The following FGFR3 variants were observed in gnomAD, a reference collection of about 807,000 sequenced individuals.
FGFR3 encodes the protein fibroblast growth factor receptor 3.
Under a neutral mutation model 82.9 loss-of-function variants are expected in FGFR3, and 25 were observed. The ratio of observed to expected loss-of-function variants is 0.30; its 90% confidence interval spans 0.22 to 0.42. FGFR3 has a LOEUF of 0.42. FGFR3 is among the 10% of genes least tolerant of loss of function. The pLI, the probability that FGFR3 is intolerant of heterozygous loss-of-function variation, is 1.00. For synonymous variants in FGFR3, 620 were observed against 516.0 expected (o/e 1.20, Z -2.73); for missense variants, 1,026 against 1,161.0 (o/e 0.88, Z 1.69).
intron 1 of FGFR3, 40 bp downstream of exon 1, chr4:1,793,505 A>G (rs982623890): frequency 2.0e-5 from 3 of 148,564 alleles, no homozygotes; most frequent in Non-Finnish European, 4.5e-5. Flanking sequence ...GAGGGGTCCA[A>G]CGGTGCTCGC....
At chr4:1,804,779 CCT>C in intron 9 of FGFR3, 43 bp from the exon 10 acceptor site, 1 of 1,548,256 alleles carries the variant, frequency 6.5e-7, no homozygotes, top group Non-Finnish European at 8.7e-7. Flanking sequence ...ACCTCCACGC[CCT>C]GTCGCCCACG....
rs1454943713 is a variant in FGFR3, at chr4:1,805,273, T to G, written c.1413-82T>G. ...GGTGGTGGCTCTGGGCCTCAAGGGC[T>G]GGGCCAGGCTGGGGTGGGGACCGTG... On this transcript the variant is annotated intron_variant, in intron 10 of 17. Transcript: ENST00000440486. 5.7e-6 allele frequency: 9 copies of G among 1,591,962 alleles called. No homozygotes were observed. In the African/African-American group the frequency reaches 6.7e-5, roughly 12 times the overall value.
At position 1,804,004 on chromosome 4, in the gene FGFR3, C is replaced by T. The variant is rs115088677; in HGVS notation, c.1075+168C>T. Among the ~76,000 whole-genome samples the T allele has an allele frequency of 4.6e-3, 705 of 152,330 alleles. 8 individuals are homozygous for T. The highest frequency in any genetic ancestry group is 0.016 in the African/African-American group (648 of 41,568). ...GTGTGGGGACAAAGTTGGCCTGGCC[C>T]GGTCCTGGTCCCAGAGGGGCCCCCT... is the stretch of plus-strand genomic sequence containing the variant. On this transcript the variant is annotated intron_variant, in intron 8 of 17. Transcript: ENST00000440486.
intron 7 of FGFR3, among the ~76,000 whole-genome samples, 184 bp downstream of exon 7, chr4:1,802,209 C>T (rs1049098052): frequency 1.3e-4 from 20 of 152,288 alleles, no homozygotes; most frequent in Non-Finnish European, 2.4e-4. Context: ...TAGGCAGCTG[C>T]GTTGGGACCC....
rs1375085595 is a variant in FGFR3 at position 1,807,014 on chromosome 4, C to T, written c.2274+80C>T. ...CCCGGCCATCCTGCCCCCCAGAGTG[C>T]TGAGGTGTGGGGCGGGCCTTCTGGG... is the stretch of plus-strand genomic sequence containing the variant. On this transcript the variant is annotated intron_variant, in intron 17 of 17. Transcript: ENST00000440486. The T allele has an allele frequency of 1.4e-5, 21 of 1,551,912 alleles. No individual in the cohort carries two copies. In the South Asian group the frequency reaches 2.0e-4, roughly 15 times the overall value.
At position 1,806,681 on chromosome 4, in the gene FGFR3, C is replaced by T. The variant is rs1226717364; in HGVS notation, c.2166C>T (p.Asp722=). 13 of 1,612,430 alleles carry T rather than the reference C, an allele frequency of 8.1e-6. No individual in the cohort carries two copies. Among genetic ancestry groups the T allele is most frequent in the South Asian group, 1.1e-5 (1 of 91,056 alleles). The stretch of plus-strand genomic sequence containing the variant: ...ACAAGCCCGCCAACTGCACACACGA[C>T]CTGTGAGTGGCATCCCTGGCCCTCC... ...RMDKPANCTH[D]LYMIMRECWH... is the part of the protein sequence containing the mutation. Residue 722 remains aspartate (D), a splice_region_variant and synonymous_variant, in exon 16 of 18, where the codon GAC becomes GAT. Coordinates refer to ENST00000440486, the MANE Select transcript of FGFR3 (RefSeq NM_000142.5).
rs1720977512 is a variant in FGFR3 at position 1,799,803 on chromosome 4, GTGGACACAGGTA to G, written c.437_445+3del. The stretch of plus-strand genomic sequence containing the variant: ...GGAGGACGAGGCTGAGGACACAGGT[GTGGACACAGGTA>G]GGAGCAGGGTCCAGGGTTCAGGCCA... On this transcript the variant is annotated splice_donor_variant and splice_donor_region_variant and coding_sequence_variant and intron_variant, in exon 4 of 18. Coordinates refer to ENST00000440486, the MANE Select transcript of FGFR3 (RefSeq NM_000142.5). LOFTEE classifies it high-confidence loss of function. 2.5e-6 allele frequency: 4 copies of G among 1,612,756 alleles called. No individual in the cohort carries two copies. In the African/African-American group the frequency reaches 5.3e-5, roughly 22 times the overall value.
In FGFR3 at chr4:1,805,341, G is replaced by T. The variant is rs1721751277; in HGVS notation, c.1413-14G>T. The T allele has an allele frequency of 6.2e-7, 1 of 1,610,632 alleles. No homozygotes were observed. On this transcript the variant is annotated splice_polypyrimidine_tract_variant and intron_variant, in intron 10 of 17. Coordinates refer to ENST00000440486, the MANE Select transcript of FGFR3 (RefSeq NM_000142.5). ...GAGTTTGCACACTCATGGTCCCTCTGCCTCCACTGCCAGGCTGACCCTGGG... is the reference window on the plus strand; with the variant it reads ...GAGTTTGCACACTCATGGTCCCTCTTCCTCCACTGCCAGGCTGACCCTGGG...
At chr4:1,802,563 C>G (rs1054842765) in intron 7 of FGFR3, among the ~76,000 whole-genome samples, 3 of 152,224 alleles carry the variant, frequency 2.0e-5, no homozygotes, top group African/African-American at 4.8e-5. Flanking sequence ...AGAGAGAAGA[C>G]GGTCTCTTGG....
rs1324665775 is a variant in FGFR3, at chr4:1,793,929, C to T, written c.-6C>T. ...GCCTGAGGACGCCGCGGCCCCCGCC[C>T]CCGCCATGGGCGCCCCTGCCTGCGC... On this transcript the variant is annotated 5_prime_UTR_variant, in exon 2 of 18. Transcript: ENST00000440486. 1 of 1,282,212 alleles carries T rather than the reference C, an allele frequency of 7.8e-7. No homozygotes were observed. The highest frequency in any genetic ancestry group is 1.0e-6 in the Non-Finnish European group (1 of 1,000,632). 79.4% of individuals were successfully genotyped at this position (1,282,212 alleles called of 1,614,324 possible).
At chr4:1,794,806 A>T (rs914076681) in intron 2 of FGFR3, among the ~76,000 whole-genome samples, 11 of 150,576 alleles carry the variant, frequency 7.3e-5, no homozygotes, top group Non-Finnish European at 1.6e-4. Flanking sequence ...CGCCGCGTAC[A>T]CCCGCAGCCG....
chr4:1,807,038 G>A (rs2108816154), intron 17 of FGFR3, 78 bp from the exon 18 acceptor site: 4 of 1,551,178 alleles, frequency 2.6e-6, no homozygotes, highest in Non-Finnish European at 3.5e-6. Flanking sequence ...GGGCCTTCTG[G>A]GGCACAGCCT....
intron 12 of FGFR3, 25 bp downstream of exon 12, chr4:1,805,694 C>T: frequency 6.2e-7 from 1 of 1,611,262 alleles, no homozygotes; most frequent in Non-Finnish European, 8.5e-7. Flanking sequence ...GGCGGTGGTG[C>T]CGGCTGGGCG....
At position 1,806,543 on chromosome 4, in the gene FGFR3, C is replaced by T. The variant is rs538533088; in HGVS notation, c.2031-3C>T. 35 of 1,613,056 alleles carry T rather than the reference C, an allele frequency of 2.2e-5. No homozygotes were observed. The South Asian group carries it at 3.4e-4, about 16-fold the overall frequency. ...GACAGCCTGACCTCACCTTCCCCTGCAGCTGGTCCTTTGGGGTCCTGCTCT... is the reference window on the plus strand; with the variant it reads ...GACAGCCTGACCTCACCTTCCCCTGTAGCTGGTCCTTTGGGGTCCTGCTCT... On this transcript the variant is annotated splice_polypyrimidine_tract_variant and splice_region_variant and intron_variant, in intron 15 of 17. Transcript: ENST00000440486.
chr4:1,803,705 A>C lies in FGFR3; in HGVS notation c.944A>C (p.Asn315Thr), dbSNP rs371410933. ...CTCTCTTTGTAGACGGCGGGCGCTA[A>C]CACCACCGACAAGGAGCTAGAGGTT... Reference protein sequence around the residue: ...YVTVLKTAGANTTDKELEVLS... With the variant: ...YVTVLKTAGATTTDKELEVLS... The change falls in exon 8 of 18, where the codon AAC (asparagine) becomes ACC (threonine). Residue 315 changes from asparagine (N) to threonine (T), a missense_variant. Asn to Thr is a moderately conservative substitution (Grantham distance 65, BLOSUM62 0). Transcript: ENST00000440486. 7 of 1,613,624 alleles carry C rather than the reference A, an allele frequency of 4.3e-6. No homozygotes were observed. The African/African-American group carries it at 6.7e-5, about 15-fold the overall frequency.
At position 1,799,567 on chromosome 4, in the gene FGFR3, C is replaced by T. The variant is rs368772432; in HGVS notation, c.379+44C>T. The T allele has an allele frequency of 2.4e-5, 37 of 1,549,490 alleles. No homozygotes were observed. The Middle Eastern group carries it at 7.2e-4, about 30-fold the overall frequency. On this transcript the variant is annotated intron_variant, in intron 3 of 17. Transcript: ENST00000440486. ...CCAGCTACAGAAAGGAGCCGAGTGC[C>T]GGGCTCCCTGAGTCCCTGCGTGGGT... is the stretch of plus-strand genomic sequence containing the variant.
Position 1,806,594 on chromosome 4 carries a change from C to T in FGFR3, c.2079C>T (p.Ser693=). 3 of 1,613,166 alleles carry T rather than the reference C, an allele frequency of 1.9e-6. No homozygotes were observed. The highest frequency in any genetic ancestry group is 2.5e-6 in the Non-Finnish European group (3 of 1,179,956). The change falls in exon 16 of 18, where the codon TCC becomes TCT. Residue 693 remains serine (S), a synonymous_variant. Coordinates refer to ENST00000440486, the MANE Select transcript of FGFR3 (RefSeq NM_000142.5). ...GGGAGATCTTCACGCTGGGGGGCTC[C>T]CCGTACCCCGGCATCCCTGTGGAGG... ...LLWEIFTLGG[S]PYPGIPVEEL...
chr4:1,804,796 G>A lies in FGFR3; in HGVS notation c.1267-28G>A, dbSNP rs996072405. 1.6e-5 allele frequency: 25 copies of A among 1,548,722 alleles called. No homozygotes were observed. The African/African-American group carries it at 2.6e-4, about 16-fold the overall frequency. On this transcript the variant is annotated intron_variant, in intron 9 of 17. Coordinates refer to ENST00000440486, the MANE Select transcript of FGFR3 (RefSeq NM_000142.5). ...CTCCACGCCCTGTCGCCCACGCGGC[G>A]CCAACCTGCCCCTGCTGACCCAAGC...
intron 2 of FGFR3, among the ~76,000 whole-genome samples, chr4:1,798,748 CA>C (rs1720833453): frequency 6.6e-6 from 1 of 152,122 alleles, no homozygotes; most frequent in Admixed American, 6.5e-5. Context: ...GAATCTGCAC[CA>C]CGAGGGGGCT....
Sources: gnomAD v4.1 joint callset for allele counts (sites outside exome capture counted in the v4.1 genomes callset) on GRCh38, gnomAD v4.1.1 for gene constraint, MANE v1.5 for transcripts, NCBI Gene and HGNC (gene_info 2026-07-23, HGNC 2026-07-21) for gene names.